The following MYO7A variants were observed in gnomAD, a reference collection of about 807,000 sequenced individuals.
MYO7A encodes the protein myosin VIIA.
MYO7A carries 210 observed loss-of-function variants against 263.8 expected under a neutral mutation model. The ratio of observed to expected loss-of-function variants is 0.80; its 90% CI spans 0.71 to 0.89. MYO7A has a LOEUF of 0.89. Ranked by LOEUF, MYO7A falls within the 40% of genes least tolerant of loss-of-function variation. The pLI, the probability that MYO7A is intolerant of heterozygous loss-of-function variation, is 0.00. For synonymous variants in MYO7A, 1,239 were observed against 1,197.3 expected, an observed-to-expected ratio of 1.03 and a Z score of -0.72; for missense variants, 2,820 against 2,968.3, an observed-to-expected ratio of 0.95 and a Z score of 1.16.
At chr11:77,162,435 C>T in intron 13 of MYO7A, 105 bp downstream of exon 13, 2 of 1,131,686 alleles carry the variant, frequency 1.8e-6, no homozygotes, top group Non-Finnish European at 2.6e-6. Flanking sequence ...CTAATGATAC[C>T]CACCTCTCAA....
Position 77,190,058 on chromosome 11 carries a change from C to A in MYO7A, c.3669C>A (p.Tyr1223Ter). 6.4e-7 allele frequency: 1 copy of A among 1,571,894 alleles called. No individual in the cohort carries two copies. Among genetic ancestry groups the A allele is most frequent in the South Asian group, 1.2e-5 (1 of 85,428 alleles). Residue 1223 changes from tyrosine (Y) to a stop codon, truncating the protein, a stop_gained, in exon 29 of 49, where the codon TAC becomes TAA. Coordinates refer to ENST00000409709, the MANE Select transcript of MYO7A (RefSeq NM_000260.4). LOFTEE classifies it high-confidence loss of function. ...RNFIHGGPPG[Y>*]APYCEERLRR... ...TCATCCACGGGGGCCCGCCCGGCTA[C>A]GCCCCGTACTGTGAGGAGCGCCTGA...
intron 38 of MYO7A, 38 bp from the exon 39 acceptor site, chr11:77,204,038 C>G (rs747161430): frequency 6.4e-6 from 10 of 1,562,162 alleles, no homozygotes; most frequent in Non-Finnish European, 8.7e-6. Context: ...GCCAGTGCTC[C>G]CTCTATTCGG....
chr11:77,182,986 T>C lies in MYO7A; in HGVS notation c.3286-82T>C, dbSNP rs1955380050. The C allele has an allele frequency of 1.2e-5, 15 of 1,202,390 alleles. No individual in the cohort carries two copies. The South Asian group carries it at 1.8e-4, about 15-fold the overall frequency. The allele number at this position is 1,202,390 out of a possible 1,614,324, so 74.5% of individuals were successfully genotyped here. A position where few individuals can be genotyped will look rare whatever the true frequency, so the allele number is the denominator to read the frequency against. On this transcript the variant is annotated intron_variant, in intron 25 of 48. Coordinates refer to ENST00000409709, the MANE Select transcript of MYO7A (RefSeq NM_000260.4). ...TAAGCTTCACGTGGAAGCGAGACGG[T>C]TCCCCGCAAAGTCTTGCTGTCGGGG...
At chr11:77,211,786 G>A (rs769971323) in intron 45 of MYO7A, 35 bp from the exon 46 acceptor site, 58 of 1,564,310 alleles carry the variant, frequency 3.7e-5, no homozygotes, top group Non-Finnish European at 4.7e-5. Flanking sequence ...CTGTCCCCAG[G>A]ACTGAGCCCA....
At chr11:77,167,358 A>G (rs1555073270) in intron 15 of MYO7A, among the ~76,000 whole-genome samples, 7 of 151,948 alleles carry the variant, frequency 4.6e-5, no homozygotes. Context: ...GCCTATGGCC[A>G]TGCCTTGACC....
In MYO7A at chr11:77,169,619, A is replaced by G. The variant is rs148439722; in HGVS notation, c.1798-3129A>G. ...CCAGGAAGGACAGCCTTTCCCCCCA[A>G]TGAAATAAAACCAAATCAGAAACCC... On this transcript the variant is annotated intron_variant, in intron 15 of 48. Transcript: ENST00000409709. Among the ~76,000 whole-genome samples, 838 of 152,268 alleles carry G rather than the reference A, an allele frequency of 5.5e-3. 10 individuals are homozygous for G. The highest frequency in any genetic ancestry group is 0.019 in the African/African-American group (799 of 41,558).
chr11:77,180,253 C>A lies in MYO7A; in HGVS notation c.2587-121C>A, dbSNP rs147151341. 3,389 of 341,398 alleles carry A rather than the reference C, an allele frequency of 9.9e-3. 12 individuals carry two copies. The highest frequency in any genetic ancestry group is 0.015 in the Admixed American group (213 of 14,042). The allele number at this position is 341,398 out of a possible 1,614,324, so 21.1% of individuals were successfully genotyped here. ...CCTAGAGAATTTCTTGATTACCTCA[C>A]TTGTCCTATCAAAGTCATGCCCAGT... On this transcript the variant is annotated intron_variant, in intron 21 of 48. Transcript: ENST00000409709.
chr11:77,183,255 C>A, intron 26 of MYO7A, 98 bp downstream of exon 26: 1 of 999,380 alleles, frequency 1.0e-6, no homozygotes. Context: ...GAAGCAGGAG[C>A]AGGAGTGGAC....
chr11:77,141,784 C>A (rs189845610), intron 2 of MYO7A, among the ~76,000 whole-genome samples: 108 of 152,318 alleles, frequency 7.1e-4, no homozygotes, highest in African/African-American at 2.5e-3. Flanking sequence ...CTCCATGGAG[C>A]GGCTCCATTG....
chr11:77,160,177 C>A lies in MYO7A; in HGVS notation c.1095C>A (p.Asp365Glu). ...AASLLEVNPP[D>E]LMSCLTSRTL... The stretch of plus-strand genomic sequence containing the variant: ...GCCTGTACCAGGTGAACCCCCCAGA[C>A]CTGATGAGCTGCCTGACTAGCCGCA... Residue 365 changes from aspartate (D) to glutamate (E), a missense_variant, in exon 11 of 49, where the codon GAC becomes GAA. Transcript: ENST00000409709. The A allele has an allele frequency of 6.4e-7, 1 of 1,564,108 alleles. No individual in the cohort carries two copies. Among genetic ancestry groups the A allele is most frequent in the East Asian group, 2.4e-5 (1 of 41,560 alleles).
chr11:77,164,839 A>G (rs1555071505), intron 14 of MYO7A, among the ~76,000 whole-genome samples: 1 of 152,232 alleles, frequency 6.6e-6, no homozygotes, highest in Admixed American at 6.5e-5. Flanking sequence ...CCTTAATAGA[A>G]TTGGTAACTG....
At chr11:77,161,218 A>T in intron 12 of MYO7A, 103 bp downstream of exon 12, 1 of 1,405,112 alleles carries the variant, frequency 7.1e-7, no homozygotes, top group Non-Finnish European at 9.8e-7. Context: ...CTCCTGGCAC[A>T]CTCTGCCAGG....
chr11:77,156,110 G>T lies in MYO7A; in HGVS notation c.470+19G>T. On this transcript the variant is annotated intron_variant, in intron 5 of 48. Coordinates refer to ENST00000409709, the MANE Select transcript of MYO7A (RefSeq NM_000260.4). ...TCATCAGGTGGGCGGCCCAGCACCTGTGTGGAGCTCCAGGCTTAGGACCTA... is the reference window on the plus strand; with the variant it reads ...TCATCAGGTGGGCGGCCCAGCACCTTTGTGGAGCTCCAGGCTTAGGACCTA... The T allele has an allele frequency of 6.2e-7, 1 of 1,612,160 alleles. No homozygotes were observed. Among genetic ancestry groups the T allele is most frequent in the Non-Finnish European group, 8.5e-7 (1 of 1,179,136 alleles).
chr11:77,132,212 T>C (rs1183953663), intron 2 of MYO7A, among the ~76,000 whole-genome samples: 1 of 151,968 alleles, frequency 6.6e-6, no homozygotes, highest in Non-Finnish European at 1.5e-5. Flanking sequence ...TTCGGGAGGC[T>C]TCCCTGCTCT....
intron 10 of MYO7A, 101 bp downstream of exon 10, chr11:77,159,624 C>A: frequency 2.5e-6 from 3 of 1,222,332 alleles, no homozygotes; most frequent in South Asian, 2.7e-5. Context: ...TTGCTGGGAC[C>A]CTCTGGTTTG....
chr11:77,177,600 A>G lies in MYO7A; in HGVS notation c.2239A>G (p.Arg747Gly). The change falls in exon 19 of 49, where the codon AGA becomes GGA. Residue 747 changes from arginine (R) to glycine (G), a missense_variant. Physicochemically the swap from Arg to Gly is moderately radical, Grantham distance 125. Transcript: ENST00000409709. ...GGAGCGGGACAAAGCCATCACCGACAGAGTCATCCTCCTTCAGAAAGTCAT... is the reference window on the plus strand; with the variant it reads ...GGAGCGGGACAAAGCCATCACCGACGGAGTCATCCTCCTTCAGAAAGTCAT... Reference protein sequence around the residue: ...EVERDKAITDRVILLQKVIRG... With the variant: ...EVERDKAITDGVILLQKVIRG... 2 of 1,612,252 alleles carry G rather than the reference A, an allele frequency of 1.2e-6. No individual in the cohort carries two copies. Among genetic ancestry groups the G allele is most frequent in the South Asian group, 2.2e-5 (2 of 90,586 alleles).
intron 4 of MYO7A, among the ~76,000 whole-genome samples, chr11:77,153,347 T>C (rs975565136): frequency 2.0e-5 from 3 of 151,512 alleles, no homozygotes; most frequent in South Asian, 2.1e-4. Context: ...GAGAGCAGGG[T>C]TGGAGGGAAG....
chr11:77,155,412 C>T (rs1952357871), intron 4 of MYO7A, among the ~76,000 whole-genome samples: 2 of 152,216 alleles, frequency 1.3e-5, no homozygotes, highest in Non-Finnish European at 2.9e-5. Flanking sequence ...GCCACTTACC[C>T]CAGCTCCTTC....
intron 42 of MYO7A, 27 bp from the exon 43 acceptor site, chr11:77,208,403 A>C: frequency 6.4e-7 from 1 of 1,557,076 alleles, no homozygotes; most frequent in Non-Finnish European, 8.8e-7. Flanking sequence ...GCTTAAACTG[A>C]GTGTGCTTCG....
Sources: gnomAD v4.1 joint callset for allele counts (sites outside exome capture counted in the v4.1 genomes callset) on GRCh38, gnomAD v4.1.1 for gene constraint, MANE v1.5 for transcripts, NCBI Gene and HGNC (gene_info 2026-07-23, HGNC 2026-07-21) for gene names.